CEP112: variants seen among roughly 807,000 people sequenced by gnomAD.
CEP112 encodes centrosomal protein of 112 kDa.
A neutral mutation model predicts 153.0 loss-of-function variants in CEP112; 127 were observed. The ratio of observed to expected loss-of-function variants is 0.83; its 90% confidence interval spans 0.72 to 0.96. The LOEUF (loss-of-function observed/expected upper bound fraction) is 0.96. CEP112 is among the 40% of genes least tolerant of loss of function. The pLI is 0.00. For synonymous variants in CEP112, 358 were observed against 374.4 expected, an observed-to-expected ratio of 0.96 and a Z score of 0.51; for missense variants, 1,089 against 1,101.2, an observed-to-expected ratio of 0.99 and a Z score of 0.16.
intron 21 of CEP112, among the ~76,000 whole-genome samples, chr17:65,828,264 C>T (rs2056926088): frequency 6.6e-6 from 1 of 152,214 alleles, no homozygotes; most frequent in African/African-American, 2.4e-5. Flanking sequence ...TAGCACAGTG[C>T]ATGCAAATAG....
chr17:65,922,009 T>C (rs2060748218), intron 19 of CEP112, among the ~76,000 whole-genome samples: 1 of 152,294 alleles, frequency 6.6e-6, no homozygotes, highest in South Asian at 2.1e-4. Context: ...AGATTAAGGA[T>C]AATTGGGTCA....
At chr17:65,668,069 G>A (rs566387231) in intron 24 of CEP112, among the ~76,000 whole-genome samples, 3 of 152,074 alleles carry the variant, frequency 2.0e-5, no homozygotes, top group African/African-American at 7.2e-5. Context: ...GATAATTTTC[G>A]TATTTTTAGT....
intron 24 of CEP112, among the ~76,000 whole-genome samples, chr17:65,669,719 C>T (rs377479465): frequency 9.2e-5 from 14 of 152,054 alleles, no homozygotes; most frequent in Non-Finnish European, 1.3e-4. Context: ...CTGGCTAACA[C>T]GGTGAAACCC....
intron 17 of CEP112, among the ~76,000 whole-genome samples, chr17:65,997,333 G>A (rs905351365): frequency 2.0e-5 from 3 of 152,078 alleles, no homozygotes; most frequent in African/African-American, 4.8e-5. Flanking sequence ...CATTCTAGGC[G>A]AGAAAAACTC....
intron 24 of CEP112, among the ~76,000 whole-genome samples, chr17:65,649,719 A>AAG (rs1418641422): frequency 6.8e-6 from 1 of 148,012 alleles, no homozygotes; most frequent in African/African-American, 2.5e-5. Context: ...CCCTGTCTCA[A>AAG]AAAAAAAAAA....
chr17:65,795,862 C>T (rs1262931774), intron 21 of CEP112, among the ~76,000 whole-genome samples: 2 of 151,898 alleles, frequency 1.3e-5, no homozygotes, highest in Non-Finnish European at 2.9e-5. Flanking sequence ...CATTTTATTC[C>T]ACTAAAAAAT....
At chr17:65,949,948 CATGT>C (rs2061766738) in intron 18 of CEP112, among the ~76,000 whole-genome samples, 1 of 152,076 alleles carries the variant, frequency 6.6e-6, no homozygotes, top group South Asian at 2.1e-4. Context: ...AATTTTTGGA[CATGT>C]ATTTTCTAAT....
intron 4 of CEP112, among the ~76,000 whole-genome samples, chr17:66,172,539 A>AT (rs2072289883): frequency 6.6e-6 from 1 of 152,166 alleles, no homozygotes; most frequent in Non-Finnish European, 1.5e-5. Context: ...GAATTAAGTT[A>AT]TTTTTTACAA....
intron 20 of CEP112, among the ~76,000 whole-genome samples, chr17:65,868,027 T>C (rs2058541137): frequency 6.6e-6 from 1 of 151,664 alleles, no homozygotes; most frequent in Non-Finnish European, 1.5e-5. Flanking sequence ...TATGAGTTTA[T>C]ATTATATGTA....
intron 20 of CEP112, among the ~76,000 whole-genome samples, chr17:65,861,307 G>A (rs1366749183): frequency 1.3e-5 from 2 of 152,154 alleles, no homozygotes; most frequent in Admixed American, 1.3e-4. Context: ...GAAACCAAAT[G>A]TGAGACCAAA....
At chr17:65,995,849 C>T (rs1444438611) in intron 17 of CEP112, among the ~76,000 whole-genome samples, 2 of 152,138 alleles carry the variant, frequency 1.3e-5, no homozygotes, top group African/African-American at 4.8e-5. Context: ...GTGAATAAGT[C>T]TCACGAGATC....
chr17:66,107,044 T>C (rs1467848431), intron 6 of CEP112, among the ~76,000 whole-genome samples: 2 of 152,072 alleles, frequency 1.3e-5, no homozygotes, highest in African/African-American at 2.4e-5. Context: ...GGGCAAAAAC[T>C]GTATGAACAT....
intron 20 of CEP112, among the ~76,000 whole-genome samples, chr17:65,889,211 G>T (rs1354486203): frequency 2.6e-5 from 4 of 152,048 alleles, no homozygotes; most frequent in African/African-American, 4.8e-5. Flanking sequence ...GGCCCGAGTT[G>T]CTTCCTTCAA....
intron 9 of CEP112, among the ~76,000 whole-genome samples, chr17:66,067,338 T>C (rs1464313649): frequency 6.6e-6 from 1 of 152,202 alleles, no homozygotes; most frequent in Non-Finnish European, 1.5e-5. Flanking sequence ...CAGTGTTTTG[T>C]AAATTAGGTA....
At chr17:65,956,965 G>A (rs991876356) in intron 18 of CEP112, among the ~76,000 whole-genome samples, 3 of 152,172 alleles carry the variant, frequency 2.0e-5, no homozygotes, top group Middle Eastern at 3.4e-3. Flanking sequence ...ATTGTATAGG[G>A]CAGGTAGGGT....
rs141080546 is a variant in CEP112, at chr17:66,074,224, T to G, written c.769-4223A>C. ...GGAACAAAAATTCACTAGATGAGCT[T>G]AATGGATTAGAGAGAACAGATAAAG... On this transcript the variant is annotated intron_variant, in intron 8 of 26. Coordinates refer to ENST00000535342, the MANE Select transcript of CEP112 (RefSeq NM_001199165.4). Among the ~76,000 whole-genome samples, 15 of 152,162 alleles carry G rather than the reference T, an allele frequency of 9.9e-5. No homozygotes were observed. The East Asian group carries it at 1.2e-3, about 12-fold the overall frequency.
At chr17:65,984,235 T>A (rs1168500107) in intron 17 of CEP112, among the ~76,000 whole-genome samples, 2 of 152,150 alleles carry the variant, frequency 1.3e-5, no homozygotes, top group African/African-American at 4.8e-5. Flanking sequence ...ACAGAGAACA[T>A]AAAATGTTGT....
chr17:65,865,211 T>A (rs1167408010), intron 20 of CEP112, among the ~76,000 whole-genome samples: 1 of 151,864 alleles, frequency 6.6e-6, no homozygotes, highest in East Asian at 1.9e-4. Flanking sequence ...CTGTCTAATT[T>A]TTGTATTATT....
At chr17:65,972,921 A>G (rs1349495026) in intron 17 of CEP112, among the ~76,000 whole-genome samples, 1 of 152,098 alleles carries the variant, frequency 6.6e-6, no homozygotes, top group East Asian at 1.9e-4. Context: ...ACCTGCCACC[A>G]CACCCAGCTA....
Sources: allele counts gnomAD v4.1 joint callset (sites outside exome capture counted in the v4.1 genomes callset), GRCh38; gene constraint gnomAD v4.1.1; transcripts MANE v1.5; gene names NCBI Gene and HGNC (gene_info 2026-07-23, HGNC 2026-07-21).